RSRC1: variants seen among roughly 807,000 people sequenced by gnomAD.
RSRC1 encodes serine/Arginine-related protein 53.
A neutral mutation model predicts 49.1 loss-of-function variants in RSRC1; 39 were observed. The ratio of observed to expected loss-of-function variants is 0.79; its 90% CI spans 0.61 to 1.04. The LOEUF is 1.04. Ranked by LOEUF, RSRC1 falls within the 50% of genes least tolerant of loss-of-function variation. RSRC1 has a pLI of 0.00. For missense variants in RSRC1, 388 were observed against 402.4 expected, an observed-to-expected ratio of 0.96 and a Z score of 0.31; for synonymous variants, 143 against 130.8, an observed-to-expected ratio of 1.09 and a Z score of -0.63.
intron 4 of RSRC1, among the ~76,000 whole-genome samples, chr3:158,295,584 A>G (rs1388579958): frequency 6.6e-6 from 1 of 152,104 alleles, no homozygotes; most frequent in Non-Finnish European, 1.5e-5. Flanking sequence ...ATAGAAAGAA[A>G]TAGTTAGATC....
At chr3:158,209,320 C>T (rs1721527680) in intron 4 of RSRC1, among the ~76,000 whole-genome samples, 2 of 152,082 alleles carry the variant, frequency 1.3e-5, no homozygotes, top group South Asian at 2.1e-4. Context: ...CCCCCTCCTA[C>T]GTGCTCTTTG....
intron 4 of RSRC1, among the ~76,000 whole-genome samples, chr3:158,259,020 G>A (rs540965186): frequency 6.6e-6 from 1 of 152,076 alleles, no homozygotes; most frequent in Non-Finnish European, 1.5e-5. Flanking sequence ...TGTCTGAAAG[G>A]TTATGTATGT....
chr3:158,270,184 C>T (rs753069278), intron 4 of RSRC1, among the ~76,000 whole-genome samples: 4 of 152,134 alleles, frequency 2.6e-5, no homozygotes, highest in Non-Finnish European at 4.4e-5. Flanking sequence ...CAATGGTTGA[C>T]GTGTAGGAGA....
At chr3:158,474,489 A>G (rs1738282421) in intron 7 of RSRC1, among the ~76,000 whole-genome samples, 1 of 152,192 alleles carries the variant, frequency 6.6e-6, no homozygotes, top group African/African-American at 2.4e-5. Context: ...GCTGAAGGCT[A>G]GAGTGGCTGT....
chr3:158,153,626 G>T (rs1026208074), intron 3 of RSRC1, among the ~76,000 whole-genome samples: 1 of 152,128 alleles, frequency 6.6e-6, no homozygotes, highest in African/African-American at 2.4e-5. Flanking sequence ...GTCATGCCCC[G>T]TTGGTCTTTG....
Position 158,118,462 on chromosome 3 carries a change from T to TGTGTGTGTGTGTGCGCGCGC in RSRC1, c.-2-3640_-2-3639insTGTGTGTGTGTGCGCGCGCG, listed in dbSNP as rs1491469875. 2.3e-3 allele frequency among the ~76,000 whole-genome samples: 293 copies of TGTGTGTGTGTGTGCGCGCGC among 124,688 alleles called. 2 individuals are homozygous for TGTGTGTGTGTGTGCGCGCGC. Among genetic ancestry groups the TGTGTGTGTGTGTGCGCGCGC allele is most frequent in the Middle Eastern group, 4.3e-3 (1 of 230 alleles). The allele number at this position is 124,688 out of a possible 152,430, so 81.8% of individuals were successfully genotyped here. Reference sequence around the variant, plus strand: ...GTGTGTGTGTGTGTGTGTGTGTGTGTGCGCGTGCGCGTGGTTTTTTTAAAT... The same window carrying TGTGTGTGTGTGTGCGCGCGC: ...GTGTGTGTGTGTGTGTGTGTGTGTGTGTGTGTGTGTGTGCGCGCGCGCGCGTGCGCGTGGTTTTTTTAAAT... On this transcript the variant is annotated intron_variant, in intron 1 of 9. Transcript: ENST00000611884.
intron 4 of RSRC1, among the ~76,000 whole-genome samples, chr3:158,282,325 A>C (rs773443532): frequency 6.6e-6 from 1 of 152,174 alleles, no homozygotes; most frequent in Admixed American, 6.5e-5. Flanking sequence ...TTATGTGACA[A>C]TTTGTAACTT....
intron 5 of RSRC1, 79 bp from the exon 6 acceptor site, chr3:158,354,778 C>A: frequency 1.0e-6 from 1 of 997,338 alleles, no homozygotes; most frequent in Non-Finnish European, 1.5e-6. Flanking sequence ...CAAACAAATG[C>A]ATTAATTTAA....
intron 4 of RSRC1, among the ~76,000 whole-genome samples, chr3:158,256,374 G>C (rs140264755): frequency 6.6e-6 from 1 of 152,114 alleles, no homozygotes; most frequent in Non-Finnish European, 1.5e-5. Flanking sequence ...TATGATTTGC[G>C]TATGTTGAAC....
chr3:158,504,338 C>A, intron 7 of RSRC1, among the ~76,000 whole-genome samples: 1 of 152,194 alleles, frequency 6.6e-6, no homozygotes, highest in South Asian at 2.1e-4. Context: ...ACAATGCAAG[C>A]CTCTGTGATG....
chr3:158,475,125 T>C (rs142110616), intron 7 of RSRC1, among the ~76,000 whole-genome samples: 165 of 152,240 alleles, frequency 1.1e-3, no homozygotes, highest in Admixed American at 1.9e-3. Flanking sequence ...GGTCTCACTA[T>C]GTTGCCCAGG....
intron 7 of RSRC1, among the ~76,000 whole-genome samples, chr3:158,488,814 CTA>C (rs1738940465): frequency 6.6e-6 from 1 of 152,192 alleles, no homozygotes; most frequent in Non-Finnish European, 1.5e-5. Flanking sequence ...CTGCCTTTAT[CTA>C]ATTGCTATCA....
At chr3:158,317,440 G>C (rs1029523655) in intron 5 of RSRC1, among the ~76,000 whole-genome samples, 1 of 152,118 alleles carries the variant, frequency 6.6e-6, no homozygotes, top group Non-Finnish European at 1.5e-5. Flanking sequence ...ATGTTGCCCA[G>C]CATGATCTCG....
chr3:158,235,426 ATTATAG>A (rs1395398285), intron 4 of RSRC1, among the ~76,000 whole-genome samples: 2 of 152,210 alleles, frequency 1.3e-5, no homozygotes, highest in Admixed American at 6.5e-5. Flanking sequence ...GATGTGGTCA[ATTATAG>A]TTATATGTGT....
Position 158,539,584 on chromosome 3 carries a change from T to C in RSRC1, c.759+2386T>C, listed in dbSNP as rs1016587044. ...TTTTGGCCTACTTGGAAGTAGATTT[T>C]AGTACTAATTTTTACAAACTAAACC... On this transcript the variant is annotated intron_variant, in intron 8 of 9. Transcript: ENST00000611884. This position sits in a 1 kb window ranked among gnomAD's most constrained non-coding sequence, Gnocchi z 4.1. Among the ~76,000 whole-genome samples, 6 of 152,074 alleles carry C rather than the reference T, an allele frequency of 3.9e-5. No homozygotes were observed. Among genetic ancestry groups the C allele is most frequent in the Non-Finnish European group, 8.8e-5 (6 of 67,982 alleles).
chr3:158,470,998 T>C (rs1044120366), intron 7 of RSRC1, among the ~76,000 whole-genome samples: 4 of 152,120 alleles, frequency 2.6e-5, no homozygotes, highest in Admixed American at 6.6e-5. Context: ...AAGCACAGGC[T>C]AAGGTAGAGG....
chr3:158,531,086 G>A (rs906053042), intron 7 of RSRC1, among the ~76,000 whole-genome samples: 8 of 149,884 alleles, frequency 5.3e-5, no homozygotes, highest in Non-Finnish European at 1.0e-4. Flanking sequence ...TTTATTGACT[G>A]CTTACTAGAT....
At chr3:158,316,438 A>ATTTTTTTTTT (rs564633575) in intron 5 of RSRC1, among the ~76,000 whole-genome samples, 3 of 72,220 alleles carry the variant, frequency 4.2e-5, no homozygotes, top group African/African-American at 6.4e-5. Context: ...AGAATCTCTC[A>ATTTTTTTTTT]TTTTTTTTTT....
intron 6 of RSRC1, among the ~76,000 whole-genome samples, chr3:158,454,243 A>G (rs1422777945): frequency 6.6e-6 from 1 of 151,952 alleles, no homozygotes; most frequent in African/African-American, 2.4e-5. Flanking sequence ...TTCTGTCCTA[A>G]CTCTATGACC....
Sources: gnomAD v4.1 joint callset for allele counts (sites outside exome capture counted in the v4.1 genomes callset) on GRCh38, gnomAD v4.1.1 for gene constraint, Gnocchi (gnomAD v3.1) non-coding constraint, MANE v1.5 for transcripts, NCBI Gene and HGNC (gene_info 2026-07-23, HGNC 2026-07-21) for gene names.